MIS18BP1: variants seen among roughly 807,000 people sequenced by gnomAD.
MIS18BP1 encodes the protein mis18-binding protein 1.
A neutral mutation model predicts 116.1 loss-of-function variants in MIS18BP1; 72 were observed. The ratio of observed to expected loss-of-function variants is 0.62; its 90% CI spans 0.51 to 0.75. MIS18BP1 has a LOEUF of 0.75. Ranked by LOEUF, MIS18BP1 falls within the 30% of genes least tolerant of loss-of-function variation. The pLI is 0.00. For synonymous variants in MIS18BP1, 386 were observed against 427.0 expected (o/e 0.90, Z 1.18); for missense variants, 1,363 against 1,303.2 (o/e 1.05, Z -0.71).
chr14:45,238,115 GTT>G (rs35409821), intron 4 of MIS18BP1, among the ~76,000 whole-genome samples: 36 of 138,344 alleles, frequency 2.6e-4, no homozygotes, highest in Non-Finnish European at 4.0e-4. Context: ...AAAATTAAGA[GTT>G]TTTTTTTTTT....
Position 45,227,776 on chromosome 14 carries a change from T to C in MIS18BP1, c.1633A>G (p.Thr545Ala). 1.2e-6 allele frequency: 2 copies of C among 1,614,080 alleles called. No homozygotes were observed. The highest frequency in any genetic ancestry group is 1.7e-5 in the Admixed American group (1 of 60,032). ...SNKHSESPGA[T>A]ELNMCHSNCQ... ...TTACTGTGGCACATGTTTAATTCTG[T>C]AGCTCCTGGTGACTCACTGTGCTTA... Residue 545 changes from threonine to alanine, a missense_variant, in exon 9 of 17, where the codon ACA (threonine) becomes GCA (alanine). Coordinates refer to ENST00000310806, the MANE Select transcript of MIS18BP1 (RefSeq NM_018353.5).
intron 4 of MIS18BP1, among the ~76,000 whole-genome samples, chr14:45,241,122 A>G (rs746052589): frequency 6.6e-6 from 1 of 152,210 alleles, no homozygotes; most frequent in Non-Finnish European, 1.5e-5. Context: ...ATTATTAATT[A>G]AAATTTAGAT....
intron 13 of MIS18BP1, among the ~76,000 whole-genome samples, chr14:45,216,652 A>T (rs1333751797): frequency 6.6e-6 from 1 of 152,200 alleles, no homozygotes; most frequent in Admixed American, 6.5e-5. Context: ...TCATACATTC[A>T]AATCTTTTAA....
At position 45,226,839 on chromosome 14, in the gene MIS18BP1, TCAAAA is replaced by T. The variant is rs781676928; in HGVS notation, c.1747-8_1747-4del. 7.4e-7 allele frequency: 1 copy of T among 1,359,740 alleles called. No homozygotes were observed. The highest frequency in any genetic ancestry group is 1.5e-5 in the South Asian group (1 of 66,652). 84.2% of individuals were successfully genotyped at this position (1,359,740 alleles called of 1,614,324 possible). ...TATTCTTTTTTTCCAATTAATTCCTTCAAAACAAAAAGATACCTAGGTTTTATTTT... is the reference window on the plus strand; with the variant it reads ...TATTCTTTTTTTCCAATTAATTCCTTCAAAAAGATACCTAGGTTTTATTTT... On this transcript the variant is annotated splice_polypyrimidine_tract_variant and splice_region_variant and intron_variant, in intron 9 of 16. Coordinates refer to ENST00000310806, the MANE Select transcript of MIS18BP1 (RefSeq NM_018353.5).
intron 4 of MIS18BP1, among the ~76,000 whole-genome samples, chr14:45,240,451 T>C (rs1891544612): frequency 1.3e-5 from 2 of 151,834 alleles, no homozygotes; most frequent in Admixed American, 1.3e-4. Context: ...CCCCCTCAAT[T>C]TTCTCCCTAC....
intron 10 of MIS18BP1, among the ~76,000 whole-genome samples, chr14:45,225,491 T>C (rs1374616155): frequency 6.6e-6 from 1 of 152,024 alleles, no homozygotes; most frequent in Admixed American, 6.5e-5. Context: ...TCAGAAGATA[T>C]AAGAAAACCA....
rs769448896 is a variant in MIS18BP1, at chr14:45,246,872, G to A, written c.415C>T (p.Pro139Ser). 2 of 1,612,196 alleles carry A rather than the reference G, an allele frequency of 1.2e-6. No individual in the cohort carries two copies. The highest frequency in any genetic ancestry group is 1.7e-6 in the Non-Finnish European group (2 of 1,179,592). The part of the protein sequence containing the change: ...QPSRNSSLLE[P>S]QKSGNNETFT... ...GTTTCATTATTTCCACTTTTCTGTG[G>A]TTCCAACAAACTACTGTTTCTTGAT... Residue 139 changes from proline (P) to serine (S), a missense_variant, in exon 2 of 17, where the codon CCA becomes TCA. Coordinates refer to ENST00000310806, the MANE Select transcript of MIS18BP1 (RefSeq NM_018353.5).
chr14:45,212,457 C>T (rs988157639), intron 13 of MIS18BP1, among the ~76,000 whole-genome samples: 10 of 152,238 alleles, frequency 6.6e-5, no homozygotes, highest in African/African-American at 1.7e-4. Context: ...GGCCTCCCCA[C>T]CCCCCACCAG....
chr14:45,232,436 A>C (rs796854700), intron 7 of MIS18BP1: 4,398 of 238,658 alleles, frequency 0.018, 106 homozygotes, highest in African/African-American at 0.064. Context: ...AAAAAAAAAA[A>C]AACAACAACA....
At chr14:45,246,668 T>A (rs926637002) in intron 2 of MIS18BP1, 75 bp downstream of exon 2, 4 of 1,401,484 alleles carry the variant, frequency 2.9e-6, no homozygotes, top group Non-Finnish European at 3.8e-6. Context: ...TGCTATATTC[T>A]GAGCACCTAA....
chr14:45,213,250 C>G (rs568230387), intron 13 of MIS18BP1, among the ~76,000 whole-genome samples: 2 of 152,170 alleles, frequency 1.3e-5, no homozygotes, highest in South Asian at 4.1e-4. Context: ...TCTGCAGACC[C>G]GTATGGATTT....
At chr14:45,211,098 T>G (rs1384747948) in intron 13 of MIS18BP1, among the ~76,000 whole-genome samples, 3 of 152,226 alleles carry the variant, frequency 2.0e-5, no homozygotes, top group Non-Finnish European at 4.4e-5. Flanking sequence ...TACATGTGTT[T>G]CCATTCATCT....
Position 45,247,386 on chromosome 14 carries a change from C to A in MIS18BP1, c.-91-9G>T. On this transcript the variant is annotated splice_polypyrimidine_tract_variant and intron_variant, in intron 1 of 16. Transcript: ENST00000310806. ...AAGGGATCCACAGAAACCTGTAGTT[C>A]AACGTAAAATCAGCCTTTATCATGC... is the stretch of plus-strand genomic sequence containing the variant. 1 of 1,003,536 alleles carries A rather than the reference C, an allele frequency of 1.0e-6. No individual in the cohort carries two copies. Among genetic ancestry groups the A allele is most frequent in the Non-Finnish European group, 1.4e-6 (1 of 705,160 alleles). 62.2% of individuals were successfully genotyped at this position (1,003,536 alleles called of 1,614,324 possible).
chr14:45,215,711 T>G (rs980155041), intron 13 of MIS18BP1, among the ~76,000 whole-genome samples: 2 of 147,538 alleles, frequency 1.4e-5, no homozygotes, highest in African/African-American at 5.0e-5. Context: ...GCACCCGGCT[T>G]TTTTTTTTTT....
chr14:45,220,457 G>A (rs945472849), intron 11 of MIS18BP1, among the ~76,000 whole-genome samples: 53 of 152,222 alleles, frequency 3.5e-4, no homozygotes, highest in African/African-American at 1.1e-3. Context: ...ATTGGTTAAC[G>A]GAGGTAGATT....
chr14:45,245,794 G>A (rs1478730970), intron 2 of MIS18BP1, among the ~76,000 whole-genome samples: 2 of 152,052 alleles, frequency 1.3e-5, no homozygotes, highest in Non-Finnish European at 2.9e-5. Context: ...ATACCATTTA[G>A]GTGCTAATGA....
intron 7 of MIS18BP1, chr14:45,231,500 G>C (rs1891277980): frequency 2.3e-6 from 1 of 443,968 alleles, no homozygotes; most frequent in Non-Finnish European, 3.9e-6. Context: ...TTAAGTCAGA[G>C]GACTCAAATA....
intron 1 of MIS18BP1, among the ~76,000 whole-genome samples, chr14:45,252,531 C>T (rs367613538): frequency 1.3e-5 from 2 of 152,180 alleles, no homozygotes; most frequent in Non-Finnish European, 1.5e-5. Flanking sequence ...AACTCCTGAG[C>T]TCAAAAGATC....
At chr14:45,226,606 C>A (rs894932825) in intron 10 of MIS18BP1, 137 bp downstream of exon 10, 5 of 764,394 alleles carry the variant, frequency 6.5e-6, no homozygotes, top group African/African-American at 1.8e-5. Flanking sequence ...GTAAAAATAA[C>A]AAAACCAAAC....
Sources: gnomAD v4.1 joint callset for allele counts (sites outside exome capture counted in the v4.1 genomes callset) on GRCh38, gnomAD v4.1.1 for gene constraint, MANE v1.5 for transcripts, NCBI Gene and HGNC (gene_info 2026-07-23, HGNC 2026-07-21) for gene names.